ADAM9: variants seen among roughly 807,000 people sequenced by gnomAD.
The protein encoded by ADAM9 is ADAM metallopeptidase domain 9.
ADAM9 carries 54 observed loss-of-function variants against 108.1 expected under a neutral mutation model. The ratio of observed to expected loss-of-function variants is 0.50; its 90% CI spans 0.40 to 0.63. The LOEUF is 0.63. Among genes scored for constraint, ADAM9 ranks in the 20% least tolerant of loss-of-function variants. ADAM9 has a pLI of 0.00. For missense variants in ADAM9, 830 were observed against 997.7 expected, an observed-to-expected ratio of 0.83 and a Z score of 2.26; for synonymous variants, 316 against 336.0, an observed-to-expected ratio of 0.94 and a Z score of 0.65.
chr8:39,029,352 A>G (rs1055787967), intron 11 of ADAM9, among the ~76,000 whole-genome samples: 1 of 152,100 alleles, frequency 6.6e-6, no homozygotes, highest in African/African-American at 2.4e-5. Context: ...AGGTAGAGGG[A>G]CACTGATAAC....
intron 20 of ADAM9, among the ~76,000 whole-genome samples, chr8:39,094,968 T>G (rs907550044): frequency 6.6e-6 from 1 of 152,328 alleles, no homozygotes; most frequent in East Asian, 1.9e-4. Context: ...ATTGTTCCTC[T>G]TTTTCTAGGT....
At position 39,103,797 on chromosome 8, in the gene ADAM9, A is replaced by T. The variant is rs758884780; in HGVS notation, c.*97A>T. ...CTTGAAAAGCCTTTCTGTTGCAACTATGAATGAAAACAAAACACCACAAAA... is the reference window on the plus strand; with the variant it reads ...CTTGAAAAGCCTTTCTGTTGCAACTTTGAATGAAAACAAAACACCACAAAA... On this transcript the variant is annotated 3_prime_UTR_variant, in exon 22 of 22. Transcript: ENST00000487273. 1 of 1,171,872 alleles carries T rather than the reference A, an allele frequency of 8.5e-7. No individual in the cohort carries two copies. Among genetic ancestry groups the T allele is most frequent in the Non-Finnish European group, 1.3e-6 (1 of 792,014 alleles). The allele number at this position is 1,171,872 out of a possible 1,614,324, so 72.6% of individuals were successfully genotyped here.
At chr8:39,103,219 C>G (rs1839755492) in intron 21 of ADAM9, among the ~76,000 whole-genome samples, 1 of 152,200 alleles carries the variant, frequency 6.6e-6, no homozygotes, top group Non-Finnish European at 1.5e-5. Flanking sequence ...GAGCTATAAA[C>G]AGCTAGGTTT....
At chr8:39,054,899 G>A (rs1476204848) in intron 13 of ADAM9, among the ~76,000 whole-genome samples, 1 of 152,044 alleles carries the variant, frequency 6.6e-6, no homozygotes, top group East Asian at 1.9e-4. Flanking sequence ...GGTAACCACT[G>A]TTGATAATTT....
intron 20 of ADAM9, among the ~76,000 whole-genome samples, chr8:39,097,123 G>T (rs1051005906): frequency 6.6e-6 from 1 of 152,136 alleles, no homozygotes; most frequent in African/African-American, 2.4e-5. Context: ...CTCAGATTTT[G>T]CAGCCTTGTT....
chr8:38,999,180 T>C (rs1357734895), intron 1 of ADAM9, among the ~76,000 whole-genome samples: 1 of 152,156 alleles, frequency 6.6e-6, no homozygotes, highest in Non-Finnish European at 1.5e-5. Flanking sequence ...TGAAACATTT[T>C]CCAGGATCGA....
intron 12 of ADAM9, among the ~76,000 whole-genome samples, chr8:39,053,858 C>G (rs1303354978): frequency 6.6e-6 from 1 of 152,152 alleles, no homozygotes; most frequent in African/African-American, 2.4e-5. Context: ...CTGTGATCAT[C>G]AAACATACTG....
chr8:39,067,065 T>TG (rs1838502894), intron 14 of ADAM9, among the ~76,000 whole-genome samples: 1 of 152,168 alleles, frequency 6.6e-6, no homozygotes, highest in Admixed American at 6.5e-5. Flanking sequence ...TGGTTGTAGA[T>TG]GTGTGGTATT....
chr8:39,056,878 T>C (rs907674981), intron 14 of ADAM9, among the ~76,000 whole-genome samples: 1 of 152,092 alleles, frequency 6.6e-6, no homozygotes, highest in Admixed American at 6.6e-5. Context: ...TTAGTTAGGG[T>C]TCTCTAGAGA....
intron 12 of ADAM9, among the ~76,000 whole-genome samples, chr8:39,053,130 A>G (rs570548719): frequency 1.3e-4 from 20 of 152,280 alleles, no homozygotes; most frequent in African/African-American, 4.6e-4. Context: ...CCATCAGGCT[A>G]TCTTATGGTG....
chr8:39,069,761 A>G (rs535385860), intron 14 of ADAM9, among the ~76,000 whole-genome samples: 5 of 152,314 alleles, frequency 3.3e-5, no homozygotes, highest in African/African-American at 1.2e-4. Flanking sequence ...AATAGGACAT[A>G]TTGAAATATT....
intron 6 of ADAM9, 37 bp downstream of exon 6, chr8:39,017,451 C>T (rs1479397136): frequency 6.3e-7 from 1 of 1,587,814 alleles, no homozygotes; most frequent in Non-Finnish European, 8.6e-7. Context: ...GCTCAGACTA[C>T]CATTTTAGAA....
chr8:39,031,855 G>T (rs1837104072), intron 11 of ADAM9, among the ~76,000 whole-genome samples: 1 of 152,188 alleles, frequency 6.6e-6, no homozygotes, highest in Admixed American at 6.5e-5. Context: ...CCTTTTTGTT[G>T]ATGTTGATGC....
intron 2 of ADAM9, among the ~76,000 whole-genome samples, chr8:39,010,195 A>T (rs959376281): frequency 6.6e-6 from 1 of 152,182 alleles, no homozygotes; most frequent in African/African-American, 2.4e-5. Context: ...GGAGTAAACT[A>T]TCACAAAACA....
At chr8:39,036,921 A>C (rs1378984690) in intron 11 of ADAM9, among the ~76,000 whole-genome samples, 1 of 150,186 alleles carries the variant, frequency 6.7e-6, no homozygotes, top group Non-Finnish European at 1.5e-5. Flanking sequence ...AACATTGTTT[A>C]TAAGAAAATA....
intron 11 of ADAM9, among the ~76,000 whole-genome samples, chr8:39,041,423 T>C (rs1455287915): frequency 6.6e-6 from 1 of 152,230 alleles, no homozygotes; most frequent in African/African-American, 2.4e-5. Context: ...AATTCTACAC[T>C]GTGCAGTCTG....
intron 19 of ADAM9, 24 bp from the exon 20 acceptor site, chr8:39,091,235 A>G (rs532235737): frequency 3.6e-5 from 57 of 1,601,456 alleles, no homozygotes; most frequent in Non-Finnish European, 3.9e-5. Context: ...CTTAATTTAG[A>G]TCAAAAGTAA....
At chr8:39,102,919 A>G (rs1839745500) in intron 21 of ADAM9, among the ~76,000 whole-genome samples, 1 of 152,260 alleles carries the variant, frequency 6.6e-6, no homozygotes, top group Non-Finnish European at 1.5e-5. Context: ...CCCATCCCCT[A>G]GAAGTCTTTC....
chr8:39,030,817 T>A (rs1171430442), intron 11 of ADAM9, among the ~76,000 whole-genome samples: 1 of 152,250 alleles, frequency 6.6e-6, no homozygotes, highest in East Asian at 1.9e-4. Context: ...GGTATCTCAT[T>A]GTTTCAATTT....
Sources: allele counts gnomAD v4.1 joint callset (sites outside exome capture counted in the v4.1 genomes callset), GRCh38; gene constraint gnomAD v4.1.1; transcripts MANE v1.5; gene names NCBI Gene and HGNC (gene_info 2026-07-23, HGNC 2026-07-21).